Variants in FTCDNL1 observed in about 807,000 individuals in gnomAD.
The protein encoded by FTCDNL1 is formiminotransferase cyclodeaminase N-terminal like, also known as formiminotransferase N-terminal subdomain-containing protein.
FTCDNL1 carries 11 observed loss-of-function variants against 5.9 expected under a neutral mutation model. The ratio of observed to expected loss-of-function variants is 1.87; its 90% CI spans 1.18 to 3.10. The LOEUF (loss-of-function observed/expected upper bound fraction) is 3.10. Among genes scored for constraint, FTCDNL1 ranks in the 30% most tolerant of loss-of-function variants. The probability of loss-of-function intolerance (pLI) is 0.00; values close to 1 mark genes in which losing one functional copy is unlikely to be tolerated. For missense variants in FTCDNL1, 115 were observed against 65.5 expected (o/e 1.76, Z -2.61); for synonymous variants, 58 against 24.8 (o/e 2.34, Z -3.99).
chr2:199,820,941 G>A (rs571691475), intron 3 of FTCDNL1, among the ~76,000 whole-genome samples: 4 of 152,250 alleles, frequency 2.6e-5, no homozygotes, highest in South Asian at 2.1e-4. Context: ...TCCGTATCAC[G>A]GATCATCAAA....
At chr2:199,820,568 T>C (rs1037263921) in intron 3 of FTCDNL1, among the ~76,000 whole-genome samples, 1 of 152,172 alleles carries the variant, frequency 6.6e-6, no homozygotes, top group Non-Finnish European at 1.5e-5. Flanking sequence ...ATAAAGAACA[T>C]TTCCATCGCC....
chr2:199,814,325 T>G (rs1330222746), intron 4 of FTCDNL1, among the ~76,000 whole-genome samples: 1 of 152,156 alleles, frequency 6.6e-6, no homozygotes, highest in Non-Finnish European at 1.5e-5. Flanking sequence ...GAAAGCTAAG[T>G]GAGAACCACG....
At chr2:199,705,017 T>C in the FTCDNL1 span, among the ~76,000 whole-genome samples, 11 of 152,190 alleles carry the variant, frequency 7.2e-5, no homozygotes, top group Admixed American at 2.0e-4. Flanking sequence ...CCTGCTCAGA[T>C]ACATGTTTGC....
the FTCDNL1 span, among the ~76,000 whole-genome samples, chr2:199,705,081 G>T: frequency 6.6e-6 from 1 of 152,170 alleles, no homozygotes; most frequent in Non-Finnish European, 1.5e-5. Context: ...AGGCCAGTCA[G>T]AAGGTCACAC....
the FTCDNL1 span, among the ~76,000 whole-genome samples, chr2:199,739,516 T>G: frequency 6.6e-6 from 1 of 152,208 alleles, no homozygotes. Context: ...ACTTCTGTTT[T>G]GGGAAGCTAG....
chr2:199,785,856 T>A (rs1378816599), intron 3 of FTCDNL1, among the ~76,000 whole-genome samples: 1 of 152,152 alleles, frequency 6.6e-6, no homozygotes, highest in Non-Finnish European at 1.5e-5. Context: ...GTCCCCAAAC[T>A]TTTTGGCACC....
At chr2:199,749,743 C>T in the FTCDNL1 span, among the ~76,000 whole-genome samples, 18 of 152,264 alleles carry the variant, frequency 1.2e-4, no homozygotes, top group African/African-American at 3.4e-4. Flanking sequence ...CCAGCAGGCA[C>T]GGCCGAGGTG....
At chr2:199,763,056 A>T (rs1199397225) in intron 3 of FTCDNL1, among the ~76,000 whole-genome samples, 2 of 152,252 alleles carry the variant, frequency 1.3e-5, no homozygotes, top group Non-Finnish European at 2.9e-5. Context: ...GGAGTGAAAG[A>T]GACATTTCTC....
At chr2:199,689,376 G>A in the FTCDNL1 span, among the ~76,000 whole-genome samples, 3 of 152,218 alleles carry the variant, frequency 2.0e-5, no homozygotes, top group African/African-American at 7.2e-5. Context: ...CCATAATGAC[G>A]GCCTTGAAAG....
At chr2:199,795,570 G>A (rs868073168) in intron 3 of FTCDNL1, among the ~76,000 whole-genome samples, 2 of 152,142 alleles carry the variant, frequency 1.3e-5, no homozygotes, top group Admixed American at 6.5e-5. Context: ...CAGGGACTTC[G>A]TCTTATTCAC....
At chr2:199,681,167 C>G in the FTCDNL1 span, among the ~76,000 whole-genome samples, 1 of 152,198 alleles carries the variant, frequency 6.6e-6, no homozygotes, top group Non-Finnish European at 1.5e-5. Context: ...AAAAGCCAGG[C>G]TTTCAGCCAG....
At chr2:199,825,885 T>C (rs1160245489) in intron 3 of FTCDNL1, among the ~76,000 whole-genome samples, 1 of 152,142 alleles carries the variant, frequency 6.6e-6, no homozygotes, top group Non-Finnish European at 1.5e-5. Flanking sequence ...AAATCTACAA[T>C]GGTTGAGGAG....
intron 3 of FTCDNL1, among the ~76,000 whole-genome samples, chr2:199,787,533 C>A (rs1699720900): frequency 6.6e-6 from 1 of 152,124 alleles, no homozygotes; most frequent in African/African-American, 2.4e-5. Flanking sequence ...TTCACAGGTT[C>A]TCGGGATTAA....
chr2:199,777,273 A>T (rs1699138383), intron 3 of FTCDNL1, among the ~76,000 whole-genome samples: 1 of 152,020 alleles, frequency 6.6e-6, no homozygotes, highest in Non-Finnish European at 1.5e-5. Context: ...AGCCTGGGTG[A>T]CAGAGCAAGA....
intron 3 of FTCDNL1, chr2:199,844,456 G>T: frequency 1.5e-6 from 1 of 665,514 alleles, no homozygotes; most frequent in Non-Finnish European, 2.8e-6. Flanking sequence ...CTGCTCCCAG[G>T]CAAGGGTGGA....
intron 3 of FTCDNL1, among the ~76,000 whole-genome samples, chr2:199,792,781 T>C (rs1699993549): frequency 1.3e-5 from 2 of 152,194 alleles, no homozygotes. Context: ...TGCTTTCTAA[T>C]GACTCCACAT....
At chr2:199,818,126 C>T (rs1477040083) in intron 4 of FTCDNL1, among the ~76,000 whole-genome samples, 2 of 152,194 alleles carry the variant, frequency 1.3e-5, no homozygotes, top group Admixed American at 1.3e-4. Context: ...TAATTCCCGT[C>T]CACCTGACTG....
At chr2:199,792,598 C>T (rs1288447545) in intron 3 of FTCDNL1, among the ~76,000 whole-genome samples, 1 of 152,178 alleles carries the variant, frequency 6.6e-6, no homozygotes, top group Non-Finnish European at 1.5e-5. Context: ...TCACTTATTT[C>T]CCATTCTGTG....
chr2:199,696,101 C>A, the FTCDNL1 span, among the ~76,000 whole-genome samples: 110 of 152,244 alleles, frequency 7.2e-4, 1 homozygote, highest in Middle Eastern at 3.4e-3. Context: ...ACAGATAGGC[C>A]CCCCTCAGTA....
Sources: gnomAD v4.1 joint callset for allele counts (sites outside exome capture counted in the v4.1 genomes callset) on GRCh38, gnomAD v4.1.1 for gene constraint, MANE v1.5 for transcripts, NCBI Gene and HGNC (gene_info 2026-07-23, HGNC 2026-07-21) for gene names.